Variants in MEIOB observed in about 807,000 individuals in gnomAD.
MEIOB encodes the protein meiosis specific with OB-fold, also known as meiosis-specific with OB domain-containing protein.
Under a neutral mutation model 53.1 loss-of-function variants are expected in MEIOB, and 50 were observed. The observed-to-expected ratio is 0.94, with a 90% CI of 0.75 to 1.19. MEIOB has a LOEUF of 1.19. Ranked by LOEUF, MEIOB falls within the 50% of genes most tolerant of loss-of-function variation. The pLI, the probability that MEIOB is intolerant of heterozygous loss-of-function variation, is 0.00. For synonymous variants in MEIOB, 192 were observed against 182.5 expected (o/e 1.05, Z -0.42); for missense variants, 551 against 550.8 (o/e 1.00, Z 0.00).
chr16:1,849,555 A>AAAAAAAAAC, intron 9 of MEIOB, among the ~76,000 whole-genome samples: 1 of 150,836 alleles, frequency 6.6e-6, no homozygotes, highest in Non-Finnish European at 1.5e-5. Flanking sequence ...CAAAAAAAAA[A>AAAAAAAAAC]AACACCTAGA....
intron 12 of MEIOB, 120 bp from the exon 13 acceptor site, chr16:1,837,990 G>C (rs1898794215): frequency 1.4e-6 from 2 of 1,439,202 alleles, no homozygotes; most frequent in African/African-American, 1.4e-5. Flanking sequence ...AGTAATTACA[G>C]CTCAATCGTT....
intron 3 of MEIOB, among the ~76,000 whole-genome samples, chr16:1,862,542 C>T (rs1596983264): frequency 6.6e-6 from 1 of 152,192 alleles, no homozygotes; most frequent in East Asian, 1.9e-4. Flanking sequence ...ACTGCTTAAG[C>T]CCAAAAGTTC....
chr16:1,834,309 G>T lies in MEIOB; in HGVS notation c.1363C>A (p.Leu455Ile). 6.2e-7 allele frequency: 1 copy of T among 1,613,332 alleles called. No homozygotes were observed. Residue 455 changes from leucine to isoleucine, a missense_variant, in exon 14 of 14, where the codon CTT (leucine) becomes ATT (isoleucine). Transcript: ENST00000325962. The stretch of plus-strand genomic sequence containing the variant: ...CTGCTTGCCTCAGTAGGATCTGCAA[G>T]CTTGCACGAGAGTACACTAATTTTC... ...GLKISVLSCK[L>I]ADPTEASRNL...
intron 5 of MEIOB, 21 bp downstream of exon 5, chr16:1,860,382 C>T: frequency 7.4e-7 from 1 of 1,348,612 alleles, no homozygotes; most frequent in Non-Finnish European, 1.0e-6. Context: ...CGCACAATCT[C>T]TGTGCTAGAC....
At chr16:1,845,101 A>G (rs1377392849) in intron 9 of MEIOB, 138 bp from the exon 10 acceptor site, 1 of 548,218 alleles carries the variant, frequency 1.8e-6, no homozygotes, top group Admixed American at 3.4e-5. Context: ...CGTGGCCATT[A>G]ACAATGTGAT....
chr16:1,851,481 G>A (rs1240544779), intron 9 of MEIOB, among the ~76,000 whole-genome samples: 1 of 152,120 alleles, frequency 6.6e-6, no homozygotes, highest in African/African-American at 2.4e-5. Flanking sequence ...CTGCTGGAGG[G>A]TAAACTCCAT....
chr16:1,868,441 G>T (rs1411422194), intron 1 of MEIOB, among the ~76,000 whole-genome samples: 1 of 152,042 alleles, frequency 6.6e-6, no homozygotes, highest in African/African-American at 2.4e-5. Context: ...GCAGGAAGAA[G>T]TGCTTGAACC....
At chr16:1,857,628 A>C in intron 6 of MEIOB, 107 bp downstream of exon 6, 1 of 776,922 alleles carries the variant, frequency 1.3e-6, no homozygotes. Flanking sequence ...CAAGATAGAG[A>C]AGAAAAGTTA....
chr16:1,854,066 G>T, intron 7 of MEIOB, 34 bp downstream of exon 7: 2 of 1,251,230 alleles, frequency 1.6e-6, no homozygotes, highest in South Asian at 1.3e-5. Context: ...TAACTACAGG[G>T]ATTTCACAGT....
chr16:1,869,840 A>C (rs1244477307), intron 1 of MEIOB, among the ~76,000 whole-genome samples: 1 of 150,332 alleles, frequency 6.7e-6, no homozygotes. Context: ...CCTCATATTG[A>C]GCATTTGATT....
At chr16:1,858,816 A>G (rs1899372609) in intron 5 of MEIOB, among the ~76,000 whole-genome samples, 1 of 152,224 alleles carries the variant, frequency 6.6e-6, no homozygotes, top group Non-Finnish European at 1.5e-5. Flanking sequence ...GCAGTTTCAT[A>G]TGGCTCAAAC....
intron 2 of MEIOB, among the ~76,000 whole-genome samples, chr16:1,866,806 T>C (rs918713632): frequency 1.3e-5 from 2 of 152,198 alleles, no homozygotes; most frequent in Non-Finnish European, 2.9e-5. Context: ...TTTTGCTAAT[T>C]GCAGCAACTG....
At chr16:1,860,035 G>A (rs1412178834) in intron 5 of MEIOB, among the ~76,000 whole-genome samples, 3 of 152,192 alleles carry the variant, frequency 2.0e-5, no homozygotes, top group Admixed American at 2.0e-4. Flanking sequence ...CTCCTCTCAA[G>A]CTCTGCTTCG....
chr16:1,867,091 A>T (rs959185761), intron 2 of MEIOB, among the ~76,000 whole-genome samples: 2 of 152,156 alleles, frequency 1.3e-5, no homozygotes, highest in African/African-American at 4.8e-5. Flanking sequence ...TAATATTTTA[A>T]AATTTTAAAT....
chr16:1,854,893 T>A (rs953650229), intron 6 of MEIOB, among the ~76,000 whole-genome samples: 10 of 150,716 alleles, frequency 6.6e-5, no homozygotes, highest in African/African-American at 2.0e-4. Context: ...TGGCTTCTCA[T>A]GTGGGAACGG....
intron 9 of MEIOB, among the ~76,000 whole-genome samples, chr16:1,848,826 G>A (rs1899089890): frequency 6.6e-6 from 1 of 152,012 alleles, no homozygotes; most frequent in Non-Finnish European, 1.5e-5. Context: ...TTACAGGCAT[G>A]AGCCACTGCG....
chr16:1,844,843 T>C lies in MEIOB; in HGVS notation c.880+19A>G, dbSNP rs756535144. ...TTCGGCCTTTAAAAAAATCCAAATA[T>C]ATTTAAACGGTCACTTACAATTTAT... On this transcript the variant is annotated intron_variant, in intron 10 of 13. Transcript: ENST00000325962. The C allele has an allele frequency of 7.2e-7, 1 of 1,379,976 alleles. No homozygotes were observed. Among genetic ancestry groups the C allele is most frequent in the Non-Finnish European group, 1.0e-6 (1 of 980,812 alleles). 85.5% of individuals were successfully genotyped at this position (1,379,976 alleles called of 1,614,324 possible).
At chr16:1,843,153 G>C (rs1043080646) in intron 10 of MEIOB, among the ~76,000 whole-genome samples, 14 of 151,004 alleles carry the variant, frequency 9.3e-5, no homozygotes, top group African/African-American at 3.4e-4. Flanking sequence ...AATTAGCCGG[G>C]CGTGGGGTGG....
intron 7 of MEIOB, 120 bp from the exon 8 acceptor site, chr16:1,853,391 G>T: frequency 1.4e-6 from 1 of 731,880 alleles, no homozygotes; most frequent in Non-Finnish European, 2.3e-6. Flanking sequence ...CCCCAAGGTG[G>T]TCAAAGACCT....
Sources: allele counts gnomAD v4.1 joint callset (sites outside exome capture counted in the v4.1 genomes callset), GRCh38; gene constraint gnomAD v4.1.1; transcripts MANE v1.5; gene names NCBI Gene and HGNC (gene_info 2026-07-23, HGNC 2026-07-21).